The following SYNJ1 variants were observed in gnomAD, a reference collection of about 807,000 sequenced individuals.
SYNJ1 encodes synaptojanin 1.
A neutral mutation model predicts 168.2 loss-of-function variants in SYNJ1; 78 were observed. The observed-to-expected ratio is 0.46, with a 90% CI of 0.39 to 0.56. SYNJ1 has a LOEUF of 0.56. Ranked by LOEUF, SYNJ1 falls within the 20% of genes least tolerant of loss-of-function variation. SYNJ1 has a pLI of 0.00. For synonymous variants in SYNJ1, 539 were observed against 548.6 expected (o/e 0.98, Z 0.24); for missense variants, 1,303 against 1,597.6 (o/e 0.82, Z 3.14).
At chr21:32,681,115 G>A (rs1029638939) in intron 11 of SYNJ1, among the ~76,000 whole-genome samples, 1 of 152,098 alleles carries the variant, frequency 6.6e-6, no homozygotes, top group Non-Finnish European at 1.5e-5. Context: ...AGCCAAATAA[G>A]AGAGAACCCT....
At chr21:32,688,497 CATG>C (rs2041910678) in intron 6 of SYNJ1, 130 bp from the exon 7 acceptor site, 2 of 706,282 alleles carry the variant, frequency 2.8e-6, no homozygotes, top group Non-Finnish European at 4.3e-6. Flanking sequence ...GATTTCCATT[CATG>C]ATATGCTTTT....
At chr21:32,710,269 A>G (rs150288700) in intron 2 of SYNJ1, among the ~76,000 whole-genome samples, 1 of 152,292 alleles carries the variant, frequency 6.6e-6, no homozygotes, top group African/African-American at 2.4e-5. Flanking sequence ...GAAATATAGA[A>G]AAACAAAAGT....
Position 32,643,407 on chromosome 21 carries a change from T to G in SYNJ1, c.3478+3A>C. ...CACTTCTATAATGCAAGAGTCTTGT[T>G]ACCTTCCATCTCTCTCCTAGCTACC... is the stretch of plus-strand genomic sequence containing the variant. On this transcript the variant is annotated splice_donor_region_variant and intron_variant, in intron 27 of 32. Coordinates refer to ENST00000674351, the MANE Select transcript of SYNJ1 (RefSeq NM_203446.3). The G allele has an allele frequency of 6.2e-7, 1 of 1,613,708 alleles. No homozygotes were observed. The highest frequency in any genetic ancestry group is 1.1e-5 in the South Asian group (1 of 91,020).
rs577386617 is a variant in SYNJ1 at position 32,679,483 on chromosome 21, A to G, written c.1354-682T>C. 2.6e-5 allele frequency among the ~76,000 whole-genome samples: 4 copies of G among 152,266 alleles called. No homozygotes were observed. The South Asian group carries it at 6.2e-4, about 24-fold the overall frequency. On this transcript the variant is annotated intron_variant, in intron 11 of 32. Transcript: ENST00000674351. ...GATTTGATTATAACTTTTAATGAAT[A>G]TATATTTTACTTAGGCATGTTAGTT...
intron 6 of SYNJ1, among the ~76,000 whole-genome samples, chr21:32,689,906 T>C (rs1422734681): frequency 6.6e-6 from 1 of 152,282 alleles, no homozygotes; most frequent in African/African-American, 2.4e-5. Context: ...GAAAGACGTA[T>C]GTCCCAGGAC....
chr21:32,650,306 T>G lies in SYNJ1; in HGVS notation c.2915A>C (p.Asp972Ala). The G allele has an allele frequency of 6.2e-7, 1 of 1,613,630 alleles. No individual in the cohort carries two copies. The highest frequency in any genetic ancestry group is 8.5e-7 in the Non-Finnish European group (1 of 1,179,876). The change falls in exon 23 of 33, where the codon GAC becomes GCC. Residue 972 changes from aspartate to alanine, a missense_variant. Asp to Ala is a moderately radical substitution (Grantham distance 126). Around this residue, in one of 2 missense-constraint regions of SYNJ1, gnomAD observed 920 missense variants for 1,208.8 expected, o/e 0.76. Coordinates refer to ENST00000674351, the MANE Select transcript of SYNJ1 (RefSeq NM_203446.3). ...TTCTTCTTCCAAATTTTTGATCCAG[T>G]CTGGACTTTTTAAAGCAATAGTTAT... Reference protein sequence around the residue: ...RTITIALKSPDWIKNLEEEMS... With the variant: ...RTITIALKSPAWIKNLEEEMS...
chr21:32,631,511 C>T lies in SYNJ1; in HGVS notation c.*294G>A, dbSNP rs1322771291. Reference sequence around the variant, plus strand: ...CAGTCCTGTCACTGAAAGGATTTGTCCTGGTCAAGCCAGTAATAAATGGGT... The same window carrying T: ...CAGTCCTGTCACTGAAAGGATTTGTTCTGGTCAAGCCAGTAATAAATGGGT... On this transcript the variant is annotated 3_prime_UTR_variant, in exon 33 of 33. Coordinates refer to ENST00000674351, the MANE Select transcript of SYNJ1 (RefSeq NM_203446.3). 6.2e-7 allele frequency: 1 copy of T among 1,614,030 alleles called. No individual in the cohort carries two copies. Among genetic ancestry groups the T allele is most frequent in the South Asian group, 1.1e-5 (1 of 91,070 alleles).
At chr21:32,689,786 C>G (rs2041957037) in intron 6 of SYNJ1, among the ~76,000 whole-genome samples, 1 of 152,294 alleles carries the variant, frequency 6.6e-6, no homozygotes, top group African/African-American at 2.4e-5. Flanking sequence ...TTCTGATAAC[C>G]AGGGGATTCT....
intron 32 of SYNJ1, among the ~76,000 whole-genome samples, chr21:32,632,652 T>C (rs1351388300): frequency 1.3e-5 from 2 of 152,104 alleles, no homozygotes; most frequent in Non-Finnish European, 2.9e-5. Context: ...TCCCAAAGTG[T>C]CAGGATTACA....
intron 2 of SYNJ1, among the ~76,000 whole-genome samples, chr21:32,705,865 G>A (rs1157199597): frequency 6.6e-6 from 1 of 152,032 alleles, no homozygotes; most frequent in Non-Finnish European, 1.5e-5. Context: ...CATGCACCTG[G>A]GGTCCCAACT....
intron 2 of SYNJ1, among the ~76,000 whole-genome samples, chr21:32,720,565 G>A (rs1473950878): frequency 6.6e-6 from 1 of 152,174 alleles, no homozygotes; most frequent in Non-Finnish European, 1.5e-5. Context: ...AGGAAAACCA[G>A]GTGCAGTGAT....
At chr21:32,697,626 C>G (rs777535863) in intron 4 of SYNJ1, among the ~76,000 whole-genome samples, 8 of 152,116 alleles carry the variant, frequency 5.3e-5, no homozygotes, top group Non-Finnish European at 1.0e-4. Context: ...GTGGTGAAAC[C>G]CCATCCTTAT....
intron 30 of SYNJ1, among the ~76,000 whole-genome samples, 175 bp from the exon 31 acceptor site, chr21:32,639,300 T>C (rs1288556982): frequency 6.6e-6 from 1 of 152,104 alleles, no homozygotes; most frequent in Non-Finnish European, 1.5e-5. Flanking sequence ...TTGTAGAAGG[T>C]GGGAGATGAC....
chr21:32,653,282 C>T lies in SYNJ1; in HGVS notation c.2874+6G>A, dbSNP rs368204504. ...AATGGTTTAGAATCAACAAATGCTA[C>T]CTTACCTCTTTACCATTTAGGCTCA... On this transcript the variant is annotated splice_donor_region_variant and intron_variant, in intron 22 of 32. Coordinates refer to ENST00000674351, the MANE Select transcript of SYNJ1 (RefSeq NM_203446.3). 14 of 1,609,936 alleles carry T rather than the reference C, an allele frequency of 8.7e-6. No individual in the cohort carries two copies. The African/African-American group carries it at 1.9e-4, about 22-fold the overall frequency.
chr21:32,647,145 G>A (rs955394298), intron 23 of SYNJ1, among the ~76,000 whole-genome samples: 1 of 152,146 alleles, frequency 6.6e-6, no homozygotes, highest in Non-Finnish European at 1.5e-5. Context: ...TAGGAAAGTG[G>A]GCACAAGGTA....
intron 23 of SYNJ1, 107 bp from the exon 24 acceptor site, chr21:32,646,709 T>C: frequency 1.3e-6 from 1 of 764,844 alleles, no homozygotes; most frequent in Non-Finnish European, 2.2e-6. Flanking sequence ...AATATGAACA[T>C]TATGTCATTG....
Position 32,639,127 on chromosome 21 carries a change from T to TA in SYNJ1, c.3698-3dup. On this transcript the variant is annotated splice_region_variant and splice_polypyrimidine_tract_variant and intron_variant, in intron 30 of 32. Coordinates refer to ENST00000674351, the MANE Select transcript of SYNJ1 (RefSeq NM_203446.3). ...GTGGTTCAGGAAGGAAAGTTGAACC[T>TA]AAAAAACCAGTGGTTGTCAGATGTT... 6.2e-7 allele frequency: 1 copy of TA among 1,608,824 alleles called. No individual in the cohort carries two copies. The highest frequency in any genetic ancestry group is 8.5e-7 in the Non-Finnish European group (1 of 1,177,474).
intron 23 of SYNJ1, 118 bp from the exon 24 acceptor site, chr21:32,646,720 C>A: frequency 1.4e-6 from 1 of 709,420 alleles, no homozygotes; most frequent in Non-Finnish European, 2.4e-6. Context: ...TATGTCATTG[C>A]AAACACACAT....
At chr21:32,711,675 C>A (rs1234621681) in intron 2 of SYNJ1, among the ~76,000 whole-genome samples, 1 of 152,174 alleles carries the variant, frequency 6.6e-6, no homozygotes, top group Non-Finnish European at 1.5e-5. Flanking sequence ...CATTATTCAG[C>A]ATTGTTGTAT....
Sources: allele counts gnomAD v4.1 joint callset (sites outside exome capture counted in the v4.1 genomes callset), GRCh38; gene constraint gnomAD v4.1.1; regional missense constraint gnomAD v4.1.1; transcripts MANE v1.5; gene names NCBI Gene and HGNC (gene_info 2026-07-23, HGNC 2026-07-21).